The following SDK1 variants were observed in gnomAD, a reference collection of about 807,000 sequenced individuals.
SDK1 encodes protein sidekick-1.
Under a neutral mutation model 245.5 loss-of-function variants are expected in SDK1, and 157 were observed. The ratio of observed to expected loss-of-function variants is 0.64; its 90% CI spans 0.56 to 0.73. The LOEUF is 0.73. Ranked by LOEUF, SDK1 falls within the 30% of genes least tolerant of loss-of-function variation. The probability of loss-of-function intolerance (pLI) is 0.00; values close to 1 mark genes in which losing one functional copy is unlikely to be tolerated. For missense variants in SDK1, 3,583 were observed against 3,002.3 expected (o/e 1.19, Z -4.52); for synonymous variants, 1,647 against 1,278.5 (o/e 1.29, Z -6.15).
At chr7:3,359,571 A>G (rs557441040) in intron 1 of SDK1, among the ~76,000 whole-genome samples, 1 of 152,266 alleles carries the variant, frequency 6.6e-6, no homozygotes, top group East Asian at 1.9e-4. Context: ...GGATGCATTC[A>G]GATAAACATT....
Position 3,846,533 on chromosome 7 carries a change from A to C in SDK1, c.847+24950A>C, listed in dbSNP as rs150160440. 9.0e-3 allele frequency among the ~76,000 whole-genome samples: 1,375 copies of C among 152,288 alleles called. 23 individuals are homozygous for C. The highest frequency in any genetic ancestry group is 0.031 in the African/African-American group (1,294 of 41,566). ...GCTCCCTGCACACCTCACTCTCAAC[A>C]GCCTCCTGGTTCTTTGCGAAAAGGA... On this transcript the variant is annotated intron_variant, in intron 5 of 44. Coordinates refer to ENST00000404826, the MANE Select transcript of SDK1 (RefSeq NM_152744.4).
intron 5 of SDK1, among the ~76,000 whole-genome samples, chr7:3,874,323 T>A (rs1781023942): frequency 6.6e-6 from 1 of 152,212 alleles, no homozygotes; most frequent in African/African-American, 2.4e-5. Context: ...GAGTCTTCTC[T>A]TTGCACTGGT....
chr7:3,672,774 TATATATATATATATATATATAA>T (rs1420391594), intron 4 of SDK1, among the ~76,000 whole-genome samples: 4 of 94,214 alleles, frequency 4.2e-5, no homozygotes, highest in South Asian at 3.6e-4. Context: ...TATATATATA[TATATATATATATATATATATAA>T]AAAATACAGA....
chr7:3,667,571 G>A (rs1255805704), intron 4 of SDK1, among the ~76,000 whole-genome samples: 7 of 152,080 alleles, frequency 4.6e-5, no homozygotes, highest in African/African-American at 1.2e-4. Flanking sequence ...TTCTATCACC[G>A]CCCAAATTCT....
intron 14 of SDK1, among the ~76,000 whole-genome samples, chr7:4,004,893 T>G (rs960470578): frequency 6.6e-6 from 1 of 151,992 alleles, no homozygotes; most frequent in Non-Finnish European, 1.5e-5. Context: ...ACTGGTTGTT[T>G]TGTGTCTCAC....
At chr7:4,180,033 C>T (rs111503375) in intron 35 of SDK1, among the ~76,000 whole-genome samples, 14,768 of 151,926 alleles carry the variant, frequency 0.097, 1,000 homozygotes, top group African/African-American at 0.2. Flanking sequence ...GCCCTGAGAC[C>T]GAGGCAGACG....
chr7:3,605,024 G>T (rs1012463248), intron 1 of SDK1, among the ~76,000 whole-genome samples: 1 of 151,724 alleles, frequency 6.6e-6, no homozygotes, highest in Admixed American at 6.6e-5. Flanking sequence ...TAATACTATG[G>T]CCAGAGGATA....
chr7:3,661,235 T>A (rs896409881), intron 4 of SDK1, among the ~76,000 whole-genome samples: 4 of 152,262 alleles, frequency 2.6e-5, no homozygotes, highest in Non-Finnish European at 5.9e-5. Flanking sequence ...CATATATTTT[T>A]AAGTAATGGT....
At chr7:3,711,274 T>C (rs2115018442) in intron 4 of SDK1, among the ~76,000 whole-genome samples, 1 of 152,346 alleles carries the variant, frequency 6.6e-6, no homozygotes, top group Non-Finnish European at 1.5e-5. Context: ...GTGCTAACCA[T>C]TATCTTTGCT....
chr7:4,221,111 G>A, intron 39 of SDK1, 128 bp from the exon 40 acceptor site: 3 of 1,142,538 alleles, frequency 2.6e-6, no homozygotes, highest in African/African-American at 1.5e-5. Context: ...GGGTGCGTGA[G>A]GTTAAGTAAC....
At chr7:3,609,764 G>C (rs1048104357) in intron 1 of SDK1, among the ~76,000 whole-genome samples, 1 of 136,994 alleles carries the variant, frequency 7.3e-6, no homozygotes, top group African/African-American at 2.7e-5. Context: ...GCAGTGGCAC[G>C]ATCTTGGCTC....
chr7:4,211,421 G>A (rs1482355489), intron 38 of SDK1, among the ~76,000 whole-genome samples: 1 of 152,034 alleles, frequency 6.6e-6, no homozygotes, highest in Non-Finnish European at 1.5e-5. Flanking sequence ...CGGCGAGAAG[G>A]GGAAGGGTGC....
At position 4,132,316 on chromosome 7, in the gene SDK1, T is replaced by C; in HGVS notation, c.4130-9T>C. On this transcript the variant is annotated splice_polypyrimidine_tract_variant and intron_variant, in intron 27 of 44. Transcript: ENST00000404826. ...TTGAGATCTGAATCCCTGTGGTTTT[T>C]CCCTTCAGCCCCAGGCCCACCAGTG... 6.2e-7 allele frequency: 1 copy of C among 1,603,422 alleles called. No homozygotes were observed. The highest frequency in any genetic ancestry group is 8.5e-7 in the Non-Finnish European group (1 of 1,171,702).
chr7:3,912,435 C>T (rs899594396), intron 5 of SDK1, among the ~76,000 whole-genome samples: 11 of 152,204 alleles, frequency 7.2e-5, no homozygotes, highest in Admixed American at 4.6e-4. Flanking sequence ...ACAACACCAG[C>T]GTGCCACAGA....
chr7:4,254,881 A>G (rs1787533386), intron 44 of SDK1, among the ~76,000 whole-genome samples: 1 of 151,996 alleles, frequency 6.6e-6, no homozygotes, highest in South Asian at 2.1e-4. Flanking sequence ...CCTACCAGGG[A>G]TGACTGTGGT....
intron 1 of SDK1, among the ~76,000 whole-genome samples, chr7:3,330,568 C>T (rs1400899322): frequency 1.3e-5 from 2 of 152,060 alleles, no homozygotes; most frequent in East Asian, 1.9e-4. Flanking sequence ...TCATGTGATG[C>T]GTCTTGCCAT....
chr7:3,476,775 C>T (rs996215329), intron 1 of SDK1, among the ~76,000 whole-genome samples: 36 of 152,142 alleles, frequency 2.4e-4, no homozygotes, highest in Admixed American at 2.2e-3. Context: ...CCAGGCCCAG[C>T]GATTGACCCT....
chr7:3,417,894 G>A (rs1266831603), intron 1 of SDK1, among the ~76,000 whole-genome samples: 1 of 152,118 alleles, frequency 6.6e-6, no homozygotes, highest in Non-Finnish European at 1.5e-5. Context: ...GTTTTAGTAA[G>A]GTGGTGGGGA....
chr7:3,984,267 G>A (rs1458260876), intron 13 of SDK1, among the ~76,000 whole-genome samples: 1 of 152,118 alleles, frequency 6.6e-6, no homozygotes, highest in Admixed American at 6.5e-5. Flanking sequence ...GACAGAAGCT[G>A]CCCCGTGAGT....
Sources: allele counts gnomAD v4.1 joint callset (sites outside exome capture counted in the v4.1 genomes callset), GRCh38; gene constraint gnomAD v4.1.1; transcripts MANE v1.5; gene names NCBI Gene and HGNC (gene_info 2026-07-23, HGNC 2026-07-21).